The following NEB variants were observed in gnomAD, a reference collection of about 807,000 sequenced individuals.
NEB encodes nemaline myopathy type 2.
NEB carries 512 observed loss-of-function variants against 952.2 expected under a neutral mutation model. The observed-to-expected ratio is 0.54, with a 90% confidence interval of 0.50 to 0.58. The LOEUF (loss-of-function observed/expected upper bound fraction) is 0.58. Ranked by LOEUF, NEB falls within the 20% of genes least tolerant of loss-of-function variation. The probability of loss-of-function intolerance (pLI) is 0.00; values close to 1 mark genes in which losing one functional copy is unlikely to be tolerated. For synonymous variants in NEB, 2,900 were observed against 3,149.8 expected, an observed-to-expected ratio of 0.92 and a Z score of 2.66; for missense variants, 8,428 against 9,231.1, an observed-to-expected ratio of 0.91 and a Z score of 3.56.
intron 170 of NEB, 145 bp from the exon 171 acceptor site, chr2:151,497,863 C>T (rs1345520535): frequency 6.6e-7 from 1 of 1,506,506 alleles, no homozygotes; most frequent in Admixed American, 2.5e-5. Context: ...TTAGTGGAAG[C>T]TGTTGTTGGG....
chr2:151,694,279 T>C, intron 20 of NEB, 44 bp downstream of exon 20: 1 of 1,524,204 alleles, frequency 6.6e-7, no homozygotes, highest in South Asian at 1.1e-5. Context: ...ACAGCAACTT[T>C]GTGGCCACGT....
At chr2:151,505,380 G>A in intron 165 of NEB, 98 bp downstream of exon 165, 1 of 1,053,514 alleles carries the variant, frequency 9.5e-7, no homozygotes. Flanking sequence ...CCCAAGGCAT[G>A]GAAGCTCTTG....
intron 145 of NEB, chr2:151,530,771 G>C: frequency 2.5e-6 from 1 of 398,388 alleles, no homozygotes; most frequent in Non-Finnish European, 4.5e-6. Context: ...GGATGTCCTG[G>C]CTTGACTGAG....
intron 45 of NEB, among the ~76,000 whole-genome samples, chr2:151,662,877 T>A (rs1226941167): frequency 6.6e-6 from 1 of 152,222 alleles, no homozygotes; most frequent in Admixed American, 6.5e-5. Context: ...TCTCTACACC[T>A]GTGCCATGGC....
At chr2:151,718,481 C>G (rs1333533787) in intron 9 of NEB, among the ~76,000 whole-genome samples, 1 of 152,138 alleles carries the variant, frequency 6.6e-6, no homozygotes, top group Non-Finnish European at 1.5e-5. Context: ...TCTAAAACCC[C>G]AACACTGTCC....
At chr2:151,705,736 C>T (rs767780024) in intron 13 of NEB, among the ~76,000 whole-genome samples, 2 of 152,082 alleles carry the variant, frequency 1.3e-5, no homozygotes, top group Non-Finnish European at 2.9e-5. Flanking sequence ...GAATGCTACT[C>T]AGCCATGAAA....
intron 105 of NEB, among the ~76,000 whole-genome samples, chr2:151,577,471 G>C (rs918083764): frequency 6.6e-6 from 1 of 152,012 alleles, no homozygotes; most frequent in Non-Finnish European, 1.5e-5. Context: ...GAACTTTCTC[G>C]ATCTCTCTTC....
intron 71 of NEB, among the ~76,000 whole-genome samples, chr2:151,624,996 G>C (rs542330320): frequency 6.6e-6 from 1 of 152,234 alleles, no homozygotes; most frequent in East Asian, 1.9e-4. Flanking sequence ...AAGTTATTTT[G>C]AGCACATTAA....
intron 105 of NEB, among the ~76,000 whole-genome samples, chr2:151,576,737 G>A (rs1465945347): frequency 1.3e-5 from 2 of 151,296 alleles, no homozygotes; most frequent in African/African-American, 4.9e-5. Context: ...GTTTCACCAT[G>A]CTAGCCAGGC....
intron 110 of NEB, 51 bp from the exon 111 acceptor site, chr2:151,568,767 G>T: frequency 7.8e-7 from 1 of 1,275,404 alleles, no homozygotes; most frequent in Admixed American, 2.1e-5. Flanking sequence ...AGACATGTGT[G>T]AACTGAGAAG....
chr2:151,614,667 C>T, intron 76 of NEB, 80 bp from the exon 77 acceptor site: 1 of 1,439,100 alleles, frequency 6.9e-7, no homozygotes, highest in South Asian at 1.3e-5. Flanking sequence ...CACATTGTTT[C>T]TTTTTCTTTT....
intron 73 of NEB, 110 bp downstream of exon 73, chr2:151,619,340 TA>T: frequency 8.3e-7 from 1 of 1,198,848 alleles, no homozygotes; most frequent in Middle Eastern, 2.9e-4. Context: ...CATTTAATTG[TA>T]AATTGTTTGA....
At chr2:151,666,518 G>GTT in intron 40 of NEB, 117 bp from the exon 41 acceptor site, 1 of 928,016 alleles carries the variant, frequency 1.1e-6, no homozygotes, top group Non-Finnish European at 1.6e-6. Flanking sequence ...TAACATCGAA[G>GTT]TTTTTTTTTG....
chr2:151,644,781 T>C (rs548846329), intron 55 of NEB, among the ~76,000 whole-genome samples: 3 of 152,224 alleles, frequency 2.0e-5, no homozygotes, highest in Non-Finnish European at 4.4e-5. Context: ...TCAGCAAAAT[T>C]GTCAGCTCTT....
In NEB at chr2:151,551,828, G is replaced by C; in HGVS notation, c.19854C>G (p.Asp6618Glu). 1 of 1,612,368 alleles carries C rather than the reference G, an allele frequency of 6.2e-7. No homozygotes were observed. Among genetic ancestry groups the C allele is most frequent in the Non-Finnish European group, 8.5e-7 (1 of 1,178,804 alleles). ...KQLSDAVYHY[D>E]YVHSVRGKVA... ...CTTTGCCTCTGACACTGTGCACATA[G>C]TCATAGTGGTAGACAGCCTGGTGCA... Residue 6618 changes from aspartate to glutamate, a missense_variant, in exon 129 of 182, where the codon GAC becomes GAG. Around this residue, in one of 11 missense-constraint regions of NEB, gnomAD observed 3,374 missense variants for 3,651.5 expected, o/e 0.92. Transcript: ENST00000397345.
chr2:151,620,339 ATGTG>A (rs371405720), intron 72 of NEB, among the ~76,000 whole-genome samples: 1,399 of 73,200 alleles, frequency 0.019, 73 homozygotes, highest in African/African-American at 0.058. Context: ...ATATATATGT[ATGTG>A]TGTGTATATA....
At chr2:151,677,807 G>T (rs369912398) in intron 33 of NEB, 36 bp from the exon 34 acceptor site, 209 of 1,611,774 alleles carry the variant, frequency 1.3e-4, no homozygotes, top group Non-Finnish European at 1.4e-4. Context: ...GAGGGCCTAG[G>T]ACAGGGTTCT....
intron 77 of NEB, among the ~76,000 whole-genome samples, chr2:151,613,214 G>C (rs2098070379): frequency 6.6e-6 from 1 of 152,092 alleles, no homozygotes; most frequent in South Asian, 2.1e-4. Context: ...GACTCTACTG[G>C]CCAACAACAA....
Position 151,494,023 on chromosome 2 carries a change from A to G in NEB, c.24579+138T>C, listed in dbSNP as rs926970675. 4.9e-5 allele frequency: 44 copies of G among 891,686 alleles called. No homozygotes were observed. In the East Asian group the frequency reaches 1.1e-3, roughly 22 times the overall value. The allele number at this position is 891,686 out of a possible 1,614,324, so 55.2% of individuals were successfully genotyped here. A position where few individuals can be genotyped will look rare whatever the true frequency, so the allele number is the denominator to read the frequency against. On this transcript the variant is annotated intron_variant, in intron 174 of 181. Coordinates refer to ENST00000397345, the MANE Select transcript of NEB (RefSeq NM_001164508.2). ...TAAAAATAGTTAATGGCTACAGTAA[A>G]TGTAGTGTGATATTTAGAGCAGATG...
Sources: gnomAD v4.1 joint callset for allele counts (sites outside exome capture counted in the v4.1 genomes callset) on GRCh38, gnomAD v4.1.1 for gene constraint, gnomAD v4.1.1 regional missense constraint, MANE v1.5 for transcripts, NCBI Gene and HGNC (gene_info 2026-07-23, HGNC 2026-07-21) for gene names.